The following RP1L1 variants were observed in gnomAD, a reference collection of about 807,000 sequenced individuals.
RP1L1 encodes retinitis pigmentosa 1-like 1 protein.
Under a neutral mutation model 15.7 loss-of-function variants are expected in RP1L1, and 27 were observed. That is an observed-to-expected ratio of 1.72 (90% CI 1.27 to 2.38). The LOEUF is 2.38. Ranked by LOEUF, RP1L1 falls within the 30% of genes most tolerant of loss-of-function variation. The pLI, the probability that RP1L1 is intolerant of heterozygous loss-of-function variation, is 0.00. For missense variants in RP1L1, 4,798 were observed against 3,075.9 expected, an observed-to-expected ratio of 1.56 and a Z score of -13.24; for synonymous variants, 1,813 against 1,276.7, an observed-to-expected ratio of 1.42 and a Z score of -8.96.
chr8:10,610,473 C>A lies in RP1L1; in HGVS notation c.3625G>T (p.Gly1209Cys). 1 of 1,613,792 alleles carries A rather than the reference C, an allele frequency of 6.2e-7. No individual in the cohort carries two copies. Among genetic ancestry groups the A allele is most frequent in the Non-Finnish European group, 8.5e-7 (1 of 1,180,010 alleles). ...SGVDISSGSG[G>C]SGESSVPCAM... The stretch of plus-strand genomic sequence containing the variant: ...CAGGGTACGCTACTCTCCCCTGAGC[C>A]TCCAGAGCCGCTGCTGATGTCCACA... The change falls in exon 4 of 4, where the codon GGC becomes TGC. Residue 1209 changes from glycine (G) to cysteine (C), a missense_variant. Physicochemically the swap from Gly to Cys is radical, Grantham distance 159 (BLOSUM62 -3). Coordinates refer to ENST00000382483, the MANE Select transcript of RP1L1 (RefSeq NM_178857.6).
chr8:10,607,294 G>C lies in RP1L1; in HGVS notation c.6804C>G (p.Ser2268Arg). 6.2e-7 allele frequency: 1 copy of C among 1,614,202 alleles called. No individual in the cohort carries two copies. The highest frequency in any genetic ancestry group is 2.2e-5 in the East Asian group (1 of 44,884). The change falls in exon 4 of 4, where the codon AGC (serine) becomes AGG (arginine). Residue 2268 changes from serine (S) to arginine (R), a missense_variant. Transcript: ENST00000382483. ...GCCTGTCCTCAGGGACTGGGCTGCT[G>C]CTTTCAGAAGCCTCCTCAGATTGGC... ...GDGQSEEASE[S>R]SSPVPEDRPT...
Position 10,623,173 on chromosome 8 carries a change from G to T in RP1L1, c.29C>A (p.Ala10Asp), listed in dbSNP as rs760147119. The stretch of plus-strand genomic sequence containing the variant: ...CAGGAAGCACTCACGGTGGCTCGGG[G>T]CCTGGGCATTCCTGGGGGTGCTGTT... The part of the protein sequence containing the change: MNSTPRNAQ[A>D]PSHRECFLPS... Residue 10 changes from alanine to aspartate, a missense_variant, in exon 2 of 4, where the codon GCC (alanine) becomes GAC (aspartate). By Grantham distance (126) the Ala-to-Asp change is moderately radical (BLOSUM62 -2). Transcript: ENST00000382483. 24 of 1,577,896 alleles carry T rather than the reference G, an allele frequency of 1.5e-5. No homozygotes were observed. The highest frequency in any genetic ancestry group is 1.9e-5 in the Non-Finnish European group (22 of 1,160,914).
chr8:10,613,321 C>G lies in RP1L1; in HGVS notation c.777G>C (p.Pro259=), dbSNP rs369463692. 1.9e-6 allele frequency: 3 copies of G among 1,600,766 alleles called. No homozygotes were observed. Among genetic ancestry groups the G allele is most frequent in the Non-Finnish European group, 2.5e-6 (3 of 1,179,946 alleles). Residue 259 remains proline (P), a synonymous_variant, in exon 4 of 4, where the codon CCG becomes CCC. Coordinates refer to ENST00000382483, the MANE Select transcript of RP1L1 (RefSeq NM_178857.6). ...GCGGAGACCGCGAATGGATCACACTCGGCTTGGTCTTTGGCCCCCAGCTCC... is the reference window on the plus strand; with the variant it reads ...GCGGAGACCGCGAATGGATCACACTGGGCTTGGTCTTTGGCCCCCAGCTCC... ...KNGSWGPKTK[P]SVIHSRSPPG... is the part of the protein sequence containing the mutation.
rs777397791 is a variant in RP1L1, at chr8:10,606,949, G to A, written c.7149C>T (p.Pro2383=). Residue 2383 remains proline (P), a synonymous_variant, in exon 4 of 4, where the codon CCC becomes CCT. Transcript: ENST00000382483. ...CGTCTGCCCTGCCCACTGCCTCAGT[G>A]GGGGCGAGACTTCCGAGTGCCTGGT... is the stretch of plus-strand genomic sequence containing the variant. ...QEDQALGSLA[P]TEAVGRADGF... is the part of the protein sequence containing the mutation. 17 of 1,614,240 alleles carry A rather than the reference G, an allele frequency of 1.1e-5. No individual in the cohort carries two copies. Among genetic ancestry groups the A allele is most frequent in the Non-Finnish European group, 1.4e-5 (16 of 1,180,046 alleles).
chr8:10,636,221 C>T (rs1798327753), intron 1 of RP1L1, among the ~76,000 whole-genome samples: 1 of 152,202 alleles, frequency 6.6e-6, no homozygotes, highest in Non-Finnish European at 1.5e-5. Context: ...AGTTCCAGGA[C>T]ACCCAATATC....
rs1308913637 is a variant in RP1L1, at chr8:10,612,963, G to C, written c.1135C>G (p.Pro379Ala). 2 of 1,613,114 alleles carry C rather than the reference G, an allele frequency of 1.2e-6. No individual in the cohort carries two copies. The stretch of plus-strand genomic sequence containing the variant: ...CAGGGCCGGGGTCCCCACACCCCAG[G>C]CTCTGAGAAGCCCCAAGGGTAGCCC... ...WEGYPWGFSE[P>A]GVWGPRPCRV... Residue 379 changes from proline (P) to alanine (A), a missense_variant, in exon 4 of 4, where the codon CCT becomes GCT. Transcript: ENST00000382483.
intron 1 of RP1L1, among the ~76,000 whole-genome samples, chr8:10,633,715 C>T (rs1482464313): frequency 6.6e-6 from 1 of 152,140 alleles, no homozygotes; most frequent in African/African-American, 2.4e-5. Context: ...TGAAGCTGCC[C>T]TGGAACGTTC....
In RP1L1 at chr8:10,606,665, A is replaced by G. The variant is rs2117187717; in HGVS notation, c.*230T>C. On this transcript the variant is annotated 3_prime_UTR_variant, in exon 4 of 4. Coordinates refer to ENST00000382483, the MANE Select transcript of RP1L1 (RefSeq NM_178857.6). ...CTCCGATAACCGGGCAGATCCGCAG[A>G]CACCCCCTTTCTTCACACTGCGTGT... 1.5e-6 allele frequency: 1 copy of G among 655,190 alleles called. No homozygotes were observed. Among genetic ancestry groups the G allele is most frequent in the Non-Finnish European group, 2.5e-6 (1 of 396,824 alleles). The allele number at this position is 655,190 out of a possible 1,614,324, so 40.6% of individuals were successfully genotyped here.
rs200806926 is a variant in RP1L1 at position 10,611,188 on chromosome 8, G to A, written c.2910C>T (p.Leu970=). The change falls in exon 4 of 4, where the codon CTC becomes CTT. Residue 970 remains leucine, a synonymous_variant. Transcript: ENST00000382483. The part of the protein sequence containing the change: ...WLDNIPEEPI[L]MTYELADETT... ...TCTCGTCCGCCAACTCATATGTCAT[G>A]AGTATGGGCTCTTCTGGAATGTTGT... 1.2e-5 allele frequency: 19 copies of A among 1,612,834 alleles called. No homozygotes were observed. The highest frequency in any genetic ancestry group is 1.4e-5 in the Non-Finnish European group (17 of 1,180,034).
intron 1 of RP1L1, among the ~76,000 whole-genome samples, chr8:10,640,127 A>G (rs1798385799): frequency 6.6e-6 from 1 of 152,228 alleles, no homozygotes; most frequent in Admixed American, 6.5e-5. Flanking sequence ...TGGAGGACTT[A>G]AGGGTGAGAT....
intron 2 of RP1L1, among the ~76,000 whole-genome samples, chr8:10,617,848 A>G (rs1004247199): frequency 3.3e-5 from 5 of 151,544 alleles, no homozygotes; most frequent in African/African-American, 4.8e-5. Context: ...GAGCCACTGC[A>G]CCCGGCCTAG....
rs781648045 is a variant in RP1L1, at chr8:10,612,585, G to T, written c.1513C>A (p.Leu505Ile). 4.4e-6 allele frequency: 7 copies of T among 1,604,786 alleles called. No individual in the cohort carries two copies. The highest frequency in any genetic ancestry group is 3.3e-5 in the Admixed American group (2 of 59,980). ...AGGSLGEDPG[L>I]CIDGAGLGGP... is the part of the protein sequence containing the mutation. ...CCCAGCCCTGCTCCATCTATGCATAGGCCGGGGTCCTCACCCAGGCTCCCT... is the reference window on the plus strand; with the variant it reads ...CCCAGCCCTGCTCCATCTATGCATATGCCGGGGTCCTCACCCAGGCTCCCT... The change falls in exon 4 of 4, where the codon CTA (leucine) becomes ATA (isoleucine). Residue 505 changes from leucine to isoleucine, a missense_variant. Transcript: ENST00000382483.
intron 1 of RP1L1, among the ~76,000 whole-genome samples, chr8:10,626,008 G>T (rs1034662336): frequency 6.6e-6 from 1 of 152,094 alleles, no homozygotes; most frequent in African/African-American, 2.4e-5. Flanking sequence ...GTGTGGGAGG[G>T]GGTAGACGGA....
At chr8:10,615,009 C>T (rs1477177448) in intron 3 of RP1L1, among the ~76,000 whole-genome samples, 1 of 151,960 alleles carries the variant, frequency 6.6e-6, no homozygotes, top group East Asian at 1.9e-4. Flanking sequence ...AGCATATGGC[C>T]AGCAAAAGAA....
At chr8:10,622,314 C>G (rs4518621) in intron 2 of RP1L1, among the ~76,000 whole-genome samples, 38,368 of 145,936 alleles carry the variant, frequency 0.26, 6,071 homozygotes, top group Non-Finnish European at 0.36. Flanking sequence ...AAGTTAAACT[C>G]CATCTCGAAA....
At position 10,608,315 on chromosome 8, in the gene RP1L1, T is replaced by C; in HGVS notation, c.5783A>G (p.Glu1928Gly). The C allele has an allele frequency of 6.2e-7, 1 of 1,613,012 alleles. No individual in the cohort carries two copies. Among genetic ancestry groups the C allele is most frequent in the Non-Finnish European group, 8.5e-7 (1 of 1,179,814 alleles). ...ETESVEALET[E>G]GEDEPESEGA... Reference sequence around the variant, plus strand: ...TTCTGACTCTGGCTCGTCCTCCCCTTCAGTCTCCAGGGCCTCTACACTTTC... The same window carrying C: ...TTCTGACTCTGGCTCGTCCTCCCCTCCAGTCTCCAGGGCCTCTACACTTTC... The change falls in exon 4 of 4, where the codon GAA becomes GGA. Residue 1928 changes from glutamate (E) to glycine (G), a missense_variant. By Grantham distance (98) the Glu-to-Gly change is moderately conservative (BLOSUM62 -2). Transcript: ENST00000382483.
chr8:10,632,683 T>C (rs1798270347), intron 1 of RP1L1, among the ~76,000 whole-genome samples: 1 of 152,250 alleles, frequency 6.6e-6, no homozygotes, highest in South Asian at 2.1e-4. Flanking sequence ...CACAGCACCT[T>C]GTAGGTGCTC....
intron 1 of RP1L1, among the ~76,000 whole-genome samples, chr8:10,645,411 A>G (rs1236696612): frequency 6.6e-6 from 1 of 152,186 alleles, no homozygotes; most frequent in Non-Finnish European, 1.5e-5. Flanking sequence ...AAAGGTAAAA[A>G]TTTAAATTAA....
chr8:10,610,859 G>C lies in RP1L1; in HGVS notation c.3239C>G (p.Ser1080Cys). The C allele has an allele frequency of 6.2e-7, 1 of 1,608,446 alleles. No homozygotes were observed. Among genetic ancestry groups the C allele is most frequent in the East Asian group, 2.2e-5 (1 of 44,748 alleles). ...VSLRALPGRV[S>C]ASTQIMRALM... ...CGCCCTCATGATCTGCGTGGAGGCA[G>C]ACACCCGGCCAGGAAGTGCCCGCAG... The change falls in exon 4 of 4, where the codon TCT (serine) becomes TGT (cysteine). Residue 1080 changes from serine (S) to cysteine (C), a missense_variant. Transcript: ENST00000382483.
Sources: allele counts gnomAD v4.1 joint callset (sites outside exome capture counted in the v4.1 genomes callset), GRCh38; gene constraint gnomAD v4.1.1; transcripts MANE v1.5; gene names NCBI Gene and HGNC (gene_info 2026-07-23, HGNC 2026-07-21).